The following SORCS3 variants were observed in gnomAD, a reference collection of about 807,000 sequenced individuals.
SORCS3 encodes VPS10 domain-containing receptor SorCS3.
A neutral mutation model predicts 146.3 loss-of-function variants in SORCS3; 57 were observed. That is an observed-to-expected ratio of 0.39 (90% CI 0.31 to 0.49). SORCS3 has a LOEUF of 0.49. SORCS3 is among the 20% of genes least tolerant of loss of function. SORCS3 has a pLI of 0.92. For synonymous variants in SORCS3, 653 were observed against 618.5 expected (o/e 1.06, Z -0.83); for missense variants, 1,341 against 1,575.5 (o/e 0.85, Z 2.52).
At position 105,023,088 on chromosome 10, in the gene SORCS3, A is replaced by G. The variant is rs184788343; in HGVS notation, c.955-19967A>G. 4.0e-3 allele frequency among the ~76,000 whole-genome samples: 608 copies of G among 152,246 alleles called. 5 individuals are homozygous for G. The highest frequency in any genetic ancestry group is 0.014 in the African/African-American group (563 of 41,552). On this transcript the variant is annotated intron_variant, in intron 4 of 26. Transcript: ENST00000369701. ...CCTCTTCTCAGGCTCACCTTCTGAT[A>G]GGAGAATGTGGCTATATGCCACTAG...
chr10:104,775,367 A>G (rs2017296620), intron 1 of SORCS3, among the ~76,000 whole-genome samples: 1 of 152,084 alleles, frequency 6.6e-6, no homozygotes, highest in Non-Finnish European at 1.5e-5. Context: ...CTTTTTCTAC[A>G]CTCCATGCCA....
chr10:104,676,185 T>G (rs2015911044), intron 1 of SORCS3, among the ~76,000 whole-genome samples: 1 of 152,218 alleles, frequency 6.6e-6, no homozygotes, highest in South Asian at 2.1e-4. Context: ...TATCTTTTAT[T>G]TATACCTTTT....
intron 4 of SORCS3, among the ~76,000 whole-genome samples, chr10:105,003,939 T>C (rs538315747): frequency 5.3e-5 from 8 of 151,874 alleles, no homozygotes; most frequent in Admixed American, 2.6e-4. Flanking sequence ...AGTTTACACC[T>C]GGATGCCAAA....
chr10:104,772,012 G>A (rs978504495), intron 1 of SORCS3, among the ~76,000 whole-genome samples: 2 of 152,148 alleles, frequency 1.3e-5, no homozygotes, highest in Non-Finnish European at 1.5e-5. Context: ...TGTGTATCTG[G>A]GTGCAGGGAG....
intron 3 of SORCS3, among the ~76,000 whole-genome samples, chr10:104,963,303 G>A (rs1024333517): frequency 2.0e-5 from 3 of 152,152 alleles, no homozygotes; most frequent in African/African-American, 7.2e-5. Flanking sequence ...AGTCTGCCTA[G>A]CTCACTCCAC....
chr10:104,847,270 A>T (rs983991832), intron 2 of SORCS3, among the ~76,000 whole-genome samples: 1 of 152,232 alleles, frequency 6.6e-6, no homozygotes. Context: ...GCTCGAGGTT[A>T]TTAAATCTTT....
chr10:105,216,828 G>T (rs2056667900), intron 18 of SORCS3, 108 bp from the exon 19 acceptor site: 3 of 1,074,214 alleles, frequency 2.8e-6, no homozygotes, highest in Admixed American at 4.1e-5. Flanking sequence ...AGCCCTTTGG[G>T]AAAGACTATG....
chr10:104,643,006 A>C (rs989553865), intron 1 of SORCS3, among the ~76,000 whole-genome samples: 3 of 152,220 alleles, frequency 2.0e-5, no homozygotes, highest in African/African-American at 4.8e-5. Flanking sequence ...AGCAAAGAAA[A>C]GGCGGGGGAC....
At chr10:104,970,447 C>G (rs562899345) in intron 3 of SORCS3, among the ~76,000 whole-genome samples, 18 of 152,180 alleles carry the variant, frequency 1.2e-4, no homozygotes, top group Non-Finnish European at 2.5e-4. Context: ...AAGCCTCCTT[C>G]TTACCCATTA....
intron 23 of SORCS3, among the ~76,000 whole-genome samples, chr10:105,254,191 A>C (rs140385932): frequency 1.6e-3 from 247 of 152,340 alleles, no homozygotes; most frequent in African/African-American, 5.8e-3. Context: ...ATTGTCTCTA[A>C]GATAGAAAAC....
intron 3 of SORCS3, among the ~76,000 whole-genome samples, chr10:104,946,809 C>T (rs966129373): frequency 1.3e-5 from 2 of 152,164 alleles, no homozygotes; most frequent in Non-Finnish European, 2.9e-5. Flanking sequence ...TCAGAGCATG[C>T]TTCTTTTTAT....
At chr10:105,109,148 A>G (rs115361315) in intron 7 of SORCS3, among the ~76,000 whole-genome samples, 156 of 152,252 alleles carry the variant, frequency 1.0e-3, no homozygotes, top group African/African-American at 3.7e-3. Flanking sequence ...GTTGGCAGCA[A>G]TTACAAAATC....
chr10:105,219,994 G>A (rs761648228), intron 19 of SORCS3, among the ~76,000 whole-genome samples: 6 of 152,168 alleles, frequency 3.9e-5, no homozygotes, highest in Non-Finnish European at 8.8e-5. Context: ...TTATTGTGGA[G>A]ACTGCTCTTG....
At chr10:104,975,597 C>T (rs188131524) in intron 3 of SORCS3, among the ~76,000 whole-genome samples, 2,374 of 152,254 alleles carry the variant, frequency 0.016, 54 homozygotes, top group African/African-American at 0.054. Context: ...GAGCCCGCAT[C>T]GCCAAGTCAA....
chr10:105,262,599 T>G, intron 26 of SORCS3, 108 bp downstream of exon 26: 1 of 1,101,130 alleles, frequency 9.1e-7, no homozygotes, highest in Non-Finnish European at 1.3e-6. Context: ...GACAAACAAC[T>G]ACCTACAGTG....
intron 3 of SORCS3, among the ~76,000 whole-genome samples, chr10:104,957,030 C>T (rs1214267633): frequency 2.0e-5 from 3 of 152,146 alleles, no homozygotes; most frequent in African/African-American, 7.2e-5. Context: ...TCTTGTCCAC[C>T]TTCTCTGGAC....
chr10:105,079,297 A>G (rs902547131), intron 5 of SORCS3, among the ~76,000 whole-genome samples: 1 of 152,188 alleles, frequency 6.6e-6, no homozygotes, highest in African/African-American at 2.4e-5. Context: ...TTTGTATTTA[A>G]TATTTTTGGA....
intron 14 of SORCS3, among the ~76,000 whole-genome samples, chr10:105,199,302 A>G (rs2056561213): frequency 6.6e-6 from 1 of 152,094 alleles, no homozygotes; most frequent in African/African-American, 2.4e-5. Flanking sequence ...TGGGCTTTGA[A>G]AAGGTCAGTA....
chr10:105,010,908 C>T (rs2055132147), intron 4 of SORCS3, among the ~76,000 whole-genome samples: 1 of 152,068 alleles, frequency 6.6e-6, no homozygotes. Context: ...TAAACAGTAT[C>T]TGGTGTGATT....
Sources: allele counts gnomAD v4.1 joint callset (sites outside exome capture counted in the v4.1 genomes callset), GRCh38; gene constraint gnomAD v4.1.1; transcripts MANE v1.5; gene names NCBI Gene and HGNC (gene_info 2026-07-23, HGNC 2026-07-21).